CDH9: variants seen among roughly 807,000 people sequenced by gnomAD.
The protein encoded by CDH9 is cadherin-9.
Under a neutral mutation model 70.9 loss-of-function variants are expected in CDH9, and 28 were observed. That is an observed-to-expected ratio of 0.40 (90% CI 0.29 to 0.54). The LOEUF is 0.54. Ranked by LOEUF, CDH9 falls within the 20% of genes least tolerant of loss-of-function variation. The pLI is 0.59. For synonymous variants in CDH9, 409 were observed against 343.1 expected, an observed-to-expected ratio of 1.19 and a Z score of -2.12; for missense variants, 874 against 984.4, an observed-to-expected ratio of 0.89 and a Z score of 1.50.
At chr5:26,922,411 A>G (rs1741261379) in intron 2 of CDH9, among the ~76,000 whole-genome samples, 1 of 152,158 alleles carries the variant, frequency 6.6e-6, no homozygotes, top group Non-Finnish European at 1.5e-5. Context: ...GAAAACTTAC[A>G]GGATAAGAGA....
chr5:26,923,155 T>C (rs1317195596), intron 2 of CDH9, among the ~76,000 whole-genome samples: 1 of 150,082 alleles, frequency 6.7e-6, no homozygotes, highest in Non-Finnish European at 1.5e-5. Flanking sequence ...AGCAATCTAT[T>C]GTATTCAGGA....
chr5:26,906,110 T>A lies in CDH9; in HGVS notation c.660A>T (p.Ala220=), dbSNP rs780796526. The part of the protein sequence containing the change: ...VDPESGIIKT[A]LPDMSRENRE... ...TATTTTCTCTGCTCATGTCTGGTAA[T>A]GCAGTTTTTATTATGCCTTTTGGAA... Residue 220 remains alanine (A), a synonymous_variant, in exon 5 of 12, where the codon GCA becomes GCT. Transcript: ENST00000231021. 2 of 1,611,408 alleles carry A rather than the reference T, an allele frequency of 1.2e-6. No homozygotes were observed. Among genetic ancestry groups the A allele is most frequent in the Admixed American group, 3.4e-5 (2 of 59,458 alleles).
At chr5:26,976,681 C>G (rs935103161) in intron 2 of CDH9, among the ~76,000 whole-genome samples, 1 of 152,018 alleles carries the variant, frequency 6.6e-6, no homozygotes, top group African/African-American at 2.4e-5. Context: ...CTCAAGTAGC[C>G]TTCTAATTTT....
chr5:26,997,656 C>A (rs1742689181), intron 1 of CDH9, among the ~76,000 whole-genome samples: 1 of 151,948 alleles, frequency 6.6e-6, no homozygotes, highest in South Asian at 2.1e-4. Flanking sequence ...GGCTAACAAG[C>A]TATTAGTGAT....
intron 2 of CDH9, among the ~76,000 whole-genome samples, chr5:26,952,471 A>G (rs1388860657): frequency 2.3e-5 from 3 of 131,758 alleles, no homozygotes; most frequent in African/African-American, 8.4e-5. Context: ...AAAAAAAAAA[A>G]AAAAAAAAAA....
At chr5:26,912,147 A>C (rs1482433270) in intron 3 of CDH9, among the ~76,000 whole-genome samples, 1 of 152,064 alleles carries the variant, frequency 6.6e-6, no homozygotes, top group African/African-American at 2.4e-5. Context: ...TTAAATGAAA[A>C]TATCTTGTAC....
chr5:27,030,610 AAGG>A (rs1226966172), intron 1 of CDH9, among the ~76,000 whole-genome samples: 32 of 151,888 alleles, frequency 2.1e-4, no homozygotes, highest in Middle Eastern at 3.4e-3. Flanking sequence ...AGTTTATTGC[AAGG>A]AGAAGACTTA....
At chr5:27,000,703 GA>G (rs1160991348) in intron 1 of CDH9, among the ~76,000 whole-genome samples, 3 of 151,922 alleles carry the variant, frequency 2.0e-5, no homozygotes, top group African/African-American at 4.8e-5. Flanking sequence ...AAAATTGGTG[GA>G]AAAAACCTAG....
intron 3 of CDH9, among the ~76,000 whole-genome samples, chr5:26,907,674 A>C (rs1214529634): frequency 6.6e-6 from 1 of 152,134 alleles, no homozygotes; most frequent in African/African-American, 2.4e-5. Context: ...ATGAATTTTT[A>C]AAATTATCTT....
intron 3 of CDH9, among the ~76,000 whole-genome samples, chr5:26,907,776 A>G (rs1460382335): frequency 6.6e-6 from 1 of 152,114 alleles, no homozygotes; most frequent in Non-Finnish European, 1.5e-5. Context: ...GCTAGATTGT[A>G]GGACATTTTT....
At chr5:27,001,844 A>T (rs572605949) in intron 1 of CDH9, among the ~76,000 whole-genome samples, 7,830 of 141,812 alleles carry the variant, frequency 0.055, 690 homozygotes, top group African/African-American at 0.19. Flanking sequence ...ACACACACAC[A>T]CTCTCTCTCT....
intron 7 of CDH9, among the ~76,000 whole-genome samples, chr5:26,899,870 TAAAAAA>T (rs35314164): frequency 7.0e-6 from 1 of 141,982 alleles, no homozygotes; most frequent in African/African-American, 2.6e-5. Context: ...AAGTATAATT[TAAAAAA>T]AAAAAGAAAA....
intron 2 of CDH9, among the ~76,000 whole-genome samples, chr5:26,927,869 A>G (rs1158019721): frequency 6.6e-6 from 1 of 151,922 alleles, no homozygotes; most frequent in African/African-American, 2.4e-5. Flanking sequence ...CATCACCCCT[A>G]CTTCTCTTAT....
rs367938411 is a variant in CDH9, at chr5:27,038,136, C to A, written c.-50+327G>T. On this transcript the variant is annotated intron_variant, in intron 1 of 11. Transcript: ENST00000231021. ...TAAATATGTGAATAATTGAAAGCCA[C>A]CACAATCAACTGATACAATTTTAAG... 3.9e-5 allele frequency among the ~76,000 whole-genome samples: 6 copies of A among 151,966 alleles called. No individual in the cohort carries two copies. In the South Asian group the frequency reaches 6.2e-4, roughly 16 times the overall value.
chr5:26,928,048 G>A (rs1741376524), intron 2 of CDH9, among the ~76,000 whole-genome samples: 1 of 151,934 alleles, frequency 6.6e-6, no homozygotes, highest in Non-Finnish European at 1.5e-5. Flanking sequence ...TGTAACTTAA[G>A]TTAAATTATA....
At chr5:26,918,526 AT>A (rs1346853980) in intron 2 of CDH9, among the ~76,000 whole-genome samples, 3 of 152,234 alleles carry the variant, frequency 2.0e-5, no homozygotes, top group Non-Finnish European at 1.5e-5. Context: ...AACTTTTCAC[AT>A]AAAATCAGAT....
At chr5:26,995,178 G>A (rs1742646224) in intron 1 of CDH9, among the ~76,000 whole-genome samples, 1 of 152,144 alleles carries the variant, frequency 6.6e-6, no homozygotes, top group East Asian at 1.9e-4. Context: ...CATGCAGTCA[G>A]CACTTAATAT....
intron 2 of CDH9, among the ~76,000 whole-genome samples, chr5:26,943,361 A>T (rs1027616698): frequency 6.6e-5 from 10 of 152,120 alleles, no homozygotes; most frequent in African/African-American, 2.2e-4. Context: ...AAAAAATACA[A>T]AATTAGCCTG....
At chr5:26,907,392 C>A (rs984090504) in intron 3 of CDH9, among the ~76,000 whole-genome samples, 20 of 152,126 alleles carry the variant, frequency 1.3e-4, no homozygotes, top group African/African-American at 4.3e-4. Flanking sequence ...TTATGAAGGG[C>A]CTATGCCTCT....
Sources: allele counts gnomAD v4.1 joint callset (sites outside exome capture counted in the v4.1 genomes callset), GRCh38; gene constraint gnomAD v4.1.1; transcripts MANE v1.5; gene names NCBI Gene and HGNC (gene_info 2026-07-23, HGNC 2026-07-21).